The following ITCH variants were observed in gnomAD, a reference collection of about 807,000 sequenced individuals.
The protein encoded by ITCH is itchy E3 ubiquitin protein ligase.
ITCH carries 28 observed loss-of-function variants against 126.8 expected under a neutral mutation model. That is an observed-to-expected ratio of 0.22 (90% CI 0.16 to 0.30). ITCH has a LOEUF of 0.30. Among genes scored for constraint, ITCH ranks in the 10% least tolerant of loss-of-function variants. The pLI is 1.00. For missense variants in ITCH, 631 were observed against 1,032.4 expected (o/e 0.61, Z 5.33); for synonymous variants, 342 against 340.0 (o/e 1.01, Z -0.06).
At chr20:34,382,977 T>G (rs2146028485) in intron 2 of ITCH, among the ~76,000 whole-genome samples, 1 of 151,100 alleles carries the variant, frequency 6.6e-6, no homozygotes, top group South Asian at 2.1e-4. Context: ...CTCCTGACCT[T>G]GTGATCCGCC....
chr20:34,466,506 A>C (rs922636344), intron 14 of ITCH: 6 of 471,166 alleles, frequency 1.3e-5, no homozygotes, highest in African/African-American at 1.2e-4. Flanking sequence ...GTATTAATGA[A>C]ATTACAGAGG....
At chr20:34,387,542 G>A (rs1286836696) in intron 2 of ITCH, among the ~76,000 whole-genome samples, 1 of 151,020 alleles carries the variant, frequency 6.6e-6, no homozygotes, top group Non-Finnish European at 1.5e-5. Flanking sequence ...GAAGCAGGAG[G>A]ATTGTTTCAG....
chr20:34,419,381 T>C (rs370405112), intron 6 of ITCH, among the ~76,000 whole-genome samples: 6 of 152,228 alleles, frequency 3.9e-5, no homozygotes, highest in Admixed American at 1.3e-4. Context: ...TATTCTGAAC[T>C]TTGAATTTGT....
intron 2 of ITCH, among the ~76,000 whole-genome samples, chr20:34,370,775 G>C (rs1376728389): frequency 6.6e-6 from 1 of 151,984 alleles, no homozygotes; most frequent in African/African-American, 2.4e-5. Flanking sequence ...AAAAGGTCAG[G>C]AGAGAAGGAA....
chr20:34,502,429 G>A (rs2146558740), intron 23 of ITCH, among the ~76,000 whole-genome samples: 1 of 152,138 alleles, frequency 6.6e-6, no homozygotes, highest in Admixed American at 6.5e-5. Context: ...AATGAAATGT[G>A]ACCAGGTACA....
intron 8 of ITCH, among the ~76,000 whole-genome samples, chr20:34,439,605 T>G (rs987690301): frequency 2.0e-5 from 3 of 152,224 alleles, no homozygotes; most frequent in African/African-American, 7.2e-5. Context: ...TTTGATTAAT[T>G]GTATATTCTG....
chr20:34,446,024 A>AATTTT (rs1042526269), intron 11 of ITCH, among the ~76,000 whole-genome samples: 2 of 152,178 alleles, frequency 1.3e-5, no homozygotes, highest in Non-Finnish European at 2.9e-5. Flanking sequence ...AAATGGTTTA[A>AATTTT]ATTTTACATA....
At chr20:34,393,073 C>A (rs1369849106) in intron 2 of ITCH, among the ~76,000 whole-genome samples, 1 of 152,194 alleles carries the variant, frequency 6.6e-6, no homozygotes, top group Admixed American at 6.5e-5. Flanking sequence ...CCACCCCACC[C>A]CAACTCATGC....
At chr20:34,475,153 C>G (rs570723957) in intron 16 of ITCH, among the ~76,000 whole-genome samples, 6 of 150,838 alleles carry the variant, frequency 4.0e-5, no homozygotes, top group Non-Finnish European at 8.9e-5. Flanking sequence ...CGGGCAGAGA[C>G]GCTCCTCACT....
intron 3 of ITCH, among the ~76,000 whole-genome samples, chr20:34,399,867 C>T (rs371989574): frequency 1.3e-5 from 2 of 152,160 alleles, no homozygotes; most frequent in African/African-American, 4.8e-5. Flanking sequence ...GCAATCCTCT[C>T]TCCTCATCCT....
rs1208551891 is a variant in ITCH, at chr20:34,480,473, A to G, written c.1819-126A>G. ...CACCTCGGCCTCCCAGATTGCTGGG[A>G]TTACAGGCGTGAGCCACCATGCCTG... On this transcript the variant is annotated intron_variant, in intron 18 of 24. Coordinates refer to ENST00000374864, the MANE Select transcript of ITCH (RefSeq NM_031483.7). 2.6e-6 allele frequency: 3 copies of G among 1,143,896 alleles called. No individual in the cohort carries two copies. The African/African-American group carries it at 4.6e-5, about 18-fold the overall frequency. 70.9% of individuals were successfully genotyped at this position (1,143,896 alleles called of 1,614,324 possible).
At chr20:34,369,772 CAT>C (rs1276100446) in intron 2 of ITCH, among the ~76,000 whole-genome samples, 2 of 152,048 alleles carry the variant, frequency 1.3e-5, no homozygotes, top group Non-Finnish European at 2.9e-5. Flanking sequence ...ACTATCTAGA[CAT>C]GTGCATGTGT....
At chr20:34,479,561 T>C (rs1169586079) in intron 17 of ITCH, 69 bp from the exon 18 acceptor site, 6 of 1,349,416 alleles carry the variant, frequency 4.4e-6, no homozygotes, top group African/African-American at 2.9e-5. Context: ...CTGAGAACTT[T>C]ATAGCACTGT....
intron 20 of ITCH, among the ~76,000 whole-genome samples, chr20:34,486,945 G>A (rs1006984889): frequency 2.0e-5 from 3 of 151,032 alleles, no homozygotes; most frequent in Non-Finnish European, 4.4e-5. Flanking sequence ...GCCTCCCAAA[G>A]TGCTGGGATT....
intron 11 of ITCH, among the ~76,000 whole-genome samples, chr20:34,449,094 A>G (rs1984837447): frequency 6.6e-6 from 1 of 152,062 alleles, no homozygotes. Context: ...TGGGGGGGTT[A>G]TATATTTTTC....
intron 7 of ITCH, among the ~76,000 whole-genome samples, chr20:34,436,891 C>T (rs2146272727): frequency 6.6e-6 from 1 of 152,120 alleles, no homozygotes; most frequent in East Asian, 1.9e-4. Context: ...CTTTGGGAGG[C>T]CAAGGAGGGA....
At chr20:34,504,288 T>A (rs370590702) in intron 23 of ITCH, 43 bp from the exon 24 acceptor site, 6 of 1,411,136 alleles carry the variant, frequency 4.3e-6, no homozygotes, top group Non-Finnish European at 5.0e-6. Context: ...CAGTTTGAGA[T>A]CCACTATACT....
Position 34,457,457 on chromosome 20 carries a change from A to G in ITCH, c.1278A>G (p.Glu426=), listed in dbSNP as rs1986113480. The G allele has an allele frequency of 1.9e-6, 3 of 1,608,842 alleles. No homozygotes were observed. The East Asian group carries it at 6.7e-5, about 36-fold the overall frequency. ...VNHNTRITQW[E]DPRSQGQLNE... ...ACAACACACGAATTACACAATGGGA[A>G]GACCCCAGAAGTCAAGGGTAAGAAT... Residue 426 remains glutamate, a synonymous_variant, in exon 13 of 25, where the codon GAA becomes GAG. Transcript: ENST00000374864.
At chr20:34,436,525 G>T (rs552386729) in intron 7 of ITCH, among the ~76,000 whole-genome samples, 3 of 152,330 alleles carry the variant, frequency 2.0e-5, no homozygotes, top group African/African-American at 7.2e-5. Context: ...GACTCTTCCT[G>T]CATTCAGACC....
Sources: allele counts gnomAD v4.1 joint callset (sites outside exome capture counted in the v4.1 genomes callset), GRCh38; gene constraint gnomAD v4.1.1; transcripts MANE v1.5; gene names NCBI Gene and HGNC (gene_info 2026-07-23, HGNC 2026-07-21).